The following NRXN3 variants were observed in gnomAD, a reference collection of about 807,000 sequenced individuals.
NRXN3 encodes neurexin III.
NRXN3 carries 32 observed loss-of-function variants against 137.6 expected under a neutral mutation model. The ratio of observed to expected loss-of-function variants is 0.23; its 90% CI spans 0.18 to 0.31. The LOEUF is 0.31. Ranked by LOEUF, NRXN3 falls within the 10% of genes least tolerant of loss-of-function variation. The probability of loss-of-function intolerance (pLI) is 1.00; values close to 1 mark genes in which losing one functional copy is unlikely to be tolerated. For missense variants in NRXN3, 1,574 were observed against 2,062.5 expected, an observed-to-expected ratio of 0.76 and a Z score of 4.59; for synonymous variants, 798 against 784.5, an observed-to-expected ratio of 1.02 and a Z score of -0.29.
chr14:78,812,359 C>T (rs1338302589), intron 10 of NRXN3, among the ~76,000 whole-genome samples: 1 of 152,064 alleles, frequency 6.6e-6, no homozygotes, highest in Non-Finnish European at 1.5e-5. Flanking sequence ...TTTCCTTTTG[C>T]ATTGGTTTTC....
chr14:79,141,167 G>A (rs1234302299), intron 15 of NRXN3, among the ~76,000 whole-genome samples: 1 of 152,138 alleles, frequency 6.6e-6, no homozygotes. Context: ...AGTAATAAAT[G>A]ATATGACAAC....
rs141466943 is a variant in NRXN3, at chr14:79,532,365, A to G, written c.3444+64963A>G. ...AAAAAATGTAAGTTACAAAAGCACT[A>G]TGCTACTCTGAGAGGAAATTGAGAA... On this transcript the variant is annotated intron_variant, in intron 16 of 20. Transcript: ENST00000335750. Among the ~76,000 whole-genome samples the G allele has an allele frequency of 3.1e-4, 47 of 152,334 alleles. No homozygotes were observed. The East Asian group carries it at 4.1e-3, about 13-fold the overall frequency.
chr14:79,253,631 C>T (rs1193180404), intron 15 of NRXN3, among the ~76,000 whole-genome samples: 1 of 152,182 alleles, frequency 6.6e-6, no homozygotes, highest in Non-Finnish European at 1.5e-5. Flanking sequence ...CCTCAGGAAA[C>T]TTACAATCAT....
At chr14:79,362,412 T>A (rs1463120318) in intron 15 of NRXN3, among the ~76,000 whole-genome samples, 1 of 152,156 alleles carries the variant, frequency 6.6e-6, no homozygotes, top group South Asian at 2.1e-4. Flanking sequence ...TTTAGCCTAT[T>A]TGGAACGGTA....
intron 15 of NRXN3, among the ~76,000 whole-genome samples, chr14:78,993,470 GT>G (rs2099523058): frequency 6.6e-6 from 1 of 152,118 alleles, no homozygotes; most frequent in Non-Finnish European, 1.5e-5. Context: ...GTACATCCAT[GT>G]TTTTGGTTAT....
intron 15 of NRXN3, among the ~76,000 whole-genome samples, chr14:79,219,556 A>G (rs1398609442): frequency 6.6e-6 from 1 of 152,156 alleles, no homozygotes; most frequent in Non-Finnish European, 1.5e-5. Flanking sequence ...ACTTTTCCAA[A>G]TTGTATTTAT....
chr14:78,484,874 A>G (rs2095537276), intron 4 of NRXN3, among the ~76,000 whole-genome samples: 4 of 152,226 alleles, frequency 2.6e-5, no homozygotes, highest in Admixed American at 2.6e-4. Flanking sequence ...AAATTAATTA[A>G]TGTCAGTAAA....
chr14:79,363,005 T>A (rs2093741191), intron 15 of NRXN3, among the ~76,000 whole-genome samples: 2 of 37,714 alleles, frequency 5.3e-5, no homozygotes, highest in Admixed American at 3.2e-4. Context: ...AGAATTGGAA[T>A]TTTTTTTTTT....
At chr14:79,705,997 C>T (rs1257679154) in intron 19 of NRXN3, among the ~76,000 whole-genome samples, 2 of 134,196 alleles carry the variant, frequency 1.5e-5, no homozygotes, top group Admixed American at 1.8e-4. Flanking sequence ...GTCAACCATC[C>T]ACCAGTACCT....
chr14:79,846,346 G>A (rs1173159937), intron 20 of NRXN3, among the ~76,000 whole-genome samples: 8 of 152,130 alleles, frequency 5.3e-5, no homozygotes, highest in Non-Finnish European at 1.2e-4. Context: ...AAAAATTCAT[G>A]TGCTATCTGT....
intron 4 of NRXN3, among the ~76,000 whole-genome samples, chr14:78,414,220 G>A (rs987606815): frequency 6.6e-6 from 1 of 151,960 alleles, no homozygotes; most frequent in Admixed American, 6.6e-5. Flanking sequence ...TTTTTCTGGG[G>A]GTGATATTGT....
Position 78,243,188 on chromosome 14 carries a change from G to A in NRXN3, c.95G>A (p.Gly32Asp). 1 of 1,544,750 alleles carries A rather than the reference G, an allele frequency of 6.5e-7. No homozygotes were observed. Among genetic ancestry groups the A allele is most frequent in the Non-Finnish European group, 8.7e-7 (1 of 1,152,012 alleles). Residue 32 changes from glycine (G) to aspartate (D), a missense_variant, in exon 2 of 21, where the codon GGC becomes GAC. Gly to Asp is a moderately conservative substitution (Grantham distance 94). Coordinates refer to ENST00000335750, the MANE Select transcript of NRXN3 (RefSeq NM_001330195.2). This position sits in a 1 kb window ranked among gnomAD's most constrained non-coding sequence, Gnocchi z 4.2. The part of the protein sequence containing the change: ...LGLCLGLEFM[G>D]LPNQWARYLR... ...CTCTGCCTGGGCCTTGAGTTCATGG[G>A]CCTCCCCAACCAGTGGGCCCGCTAC...
intron 16 of NRXN3, among the ~76,000 whole-genome samples, chr14:79,562,456 A>C (rs1456101408): frequency 6.6e-6 from 1 of 152,164 alleles, no homozygotes; most frequent in South Asian, 2.1e-4. Context: ...ATTTGGCACC[A>C]TAAGAACTAC....
intron 15 of NRXN3, among the ~76,000 whole-genome samples, chr14:79,138,357 A>G (rs2058457189): frequency 6.6e-6 from 1 of 152,152 alleles, no homozygotes; most frequent in African/African-American, 2.4e-5. Context: ...GTCTCACTGT[A>G]TTGCCCAGAC....
chr14:79,137,139 A>G (rs2058318866), intron 15 of NRXN3, among the ~76,000 whole-genome samples: 1 of 152,194 alleles, frequency 6.6e-6, no homozygotes, highest in South Asian at 2.1e-4. Context: ...GCCTGCTCGG[A>G]GAGGAGAGCC....
chr14:78,998,113 C>A (rs1193918344), intron 15 of NRXN3, among the ~76,000 whole-genome samples: 2 of 152,164 alleles, frequency 1.3e-5, no homozygotes, highest in East Asian at 3.9e-4. Context: ...ATTTCAGAAA[C>A]CACTGCTCTT....
chr14:78,953,935 GT>G (rs1318255646), intron 10 of NRXN3, among the ~76,000 whole-genome samples: 2 of 152,078 alleles, frequency 1.3e-5, no homozygotes, highest in Admixed American at 6.6e-5. Flanking sequence ...AAATTTCAGT[GT>G]TTTCTTCTTT....
chr14:79,738,177 A>G (rs890057174), intron 19 of NRXN3, among the ~76,000 whole-genome samples: 1 of 152,172 alleles, frequency 6.6e-6, no homozygotes, highest in Non-Finnish European at 1.5e-5. Flanking sequence ...ATTTTACCTT[A>G]TTTAGAAAAA....
chr14:78,393,197 C>A (rs912925815), intron 4 of NRXN3, among the ~76,000 whole-genome samples: 4 of 149,988 alleles, frequency 2.7e-5, no homozygotes, highest in Non-Finnish European at 4.4e-5. Context: ...TTTTTTTTTA[C>A]TTTTTTTAAA....
Sources: gnomAD v4.1 joint callset for allele counts (sites outside exome capture counted in the v4.1 genomes callset) on GRCh38, gnomAD v4.1.1 for gene constraint, Gnocchi (gnomAD v3.1) non-coding constraint, MANE v1.5 for transcripts, NCBI Gene and HGNC (gene_info 2026-07-23, HGNC 2026-07-21) for gene names.